DLGAP1: variants seen among roughly 807,000 people sequenced by gnomAD.
DLGAP1 encodes the protein DLG associated protein 1, also known as disks large-associated protein 1.
Under a neutral mutation model 90.8 loss-of-function variants are expected in DLGAP1, and 11 were observed. The observed-to-expected ratio is 0.12, with a 90% confidence interval of 0.08 to 0.20. The LOEUF (loss-of-function observed/expected upper bound fraction) is 0.20. DLGAP1 is among the 10% of genes least tolerant of loss of function. The pLI is 1.00. For missense variants in DLGAP1, 1,050 were observed against 1,333.8 expected (o/e 0.79, Z 3.31); for synonymous variants, 558 against 540.7 (o/e 1.03, Z -0.44).
intron 11 of DLGAP1, among the ~76,000 whole-genome samples, chr18:3,507,794 G>A (rs1203372117): frequency 7.4e-6 from 1 of 134,634 alleles, no homozygotes; most frequent in African/African-American, 2.8e-5. Context: ...AAACTAGAGT[G>A]CAATGAACCT....
At chr18:3,718,341 G>A (rs967404071) in intron 7 of DLGAP1, among the ~76,000 whole-genome samples, 1 of 151,870 alleles carries the variant, frequency 6.6e-6, no homozygotes, top group Non-Finnish European at 1.5e-5. Context: ...TCAATAAGAG[G>A]CACTGTGTGC....
At chr18:4,114,485 T>C (rs2076027982) in intron 2 of DLGAP1, among the ~76,000 whole-genome samples, 1 of 152,158 alleles carries the variant, frequency 6.6e-6, no homozygotes, top group Non-Finnish European at 1.5e-5. Flanking sequence ...ACTGAAGTTG[T>C]TTAACAGTTT....
chr18:3,639,453 G>A (rs528144276), intron 7 of DLGAP1, among the ~76,000 whole-genome samples: 1 of 152,254 alleles, frequency 6.6e-6, no homozygotes, highest in South Asian at 2.1e-4. Flanking sequence ...GCAGCGTCCA[G>A]AGGAGCCTGC....
intron 5 of DLGAP1, among the ~76,000 whole-genome samples, chr18:3,805,992 T>G (rs1014329490): frequency 2.0e-5 from 3 of 152,230 alleles, no homozygotes; most frequent in Non-Finnish European, 2.9e-5. Context: ...CAAATGCATC[T>G]TCTGTAAAGA....
intron 6 of DLGAP1, among the ~76,000 whole-genome samples, chr18:3,739,182 T>C (rs1386497849): frequency 1.4e-5 from 2 of 143,894 alleles, no homozygotes; most frequent in Admixed American, 7.0e-5. Flanking sequence ...TTGGTGGGAC[T>C]GTAAACTAGT....
intron 7 of DLGAP1, among the ~76,000 whole-genome samples, chr18:3,720,895 A>AAAAAAAAAAAAG (rs2061953359): frequency 1.4e-5 from 2 of 140,490 alleles, no homozygotes; most frequent in African/African-American, 5.7e-5. Flanking sequence ...CTACAAAAAA[A>AAAAAAAAAAAAG]AAAAAAAAAA....
At chr18:4,007,595 G>A (rs1294992865) in intron 2 of DLGAP1, among the ~76,000 whole-genome samples, 3 of 152,166 alleles carry the variant, frequency 2.0e-5, no homozygotes, top group African/African-American at 7.2e-5. Flanking sequence ...GGCAGAGTTT[G>A]CAGTGAGCCG....
At chr18:3,732,434 C>A (rs1354363354) in intron 6 of DLGAP1, among the ~76,000 whole-genome samples, 2 of 152,064 alleles carry the variant, frequency 1.3e-5, no homozygotes, top group Non-Finnish European at 2.9e-5. Context: ...TTCTCTTTCA[C>A]ATTACTTGTT....
chr18:4,114,177 G>A (rs1379155165), intron 2 of DLGAP1, among the ~76,000 whole-genome samples: 38 of 150,918 alleles, frequency 2.5e-4, no homozygotes, highest in Admixed American at 2.5e-3. Flanking sequence ...AGTTTGATAG[G>A]AATAGTGTTG....
intron 1 of DLGAP1, among the ~76,000 whole-genome samples, chr18:4,385,309 G>T (rs517425): frequency 0.91 from 139,157 of 152,186 alleles, 63,898 homozygotes; most frequent in East Asian, 1. Context: ...AAACTTGTTC[G>T]ATAATTATTT....
In DLGAP1 at chr18:4,378,260, G is replaced by C. The variant is rs1030535350; in HGVS notation, c.-267+76746C>G. Among the ~76,000 whole-genome samples, 1 of 151,540 alleles carries C rather than the reference G, an allele frequency of 6.6e-6. No individual in the cohort carries two copies. The highest frequency in any genetic ancestry group is 2.1e-4 in the South Asian group (1 of 4,820). On this transcript the variant is annotated intron_variant, in intron 1 of 12. Transcript: ENST00000315677. The surrounding 1 kb of genome is among the most constrained non-coding windows in gnomAD (Gnocchi z 4.5). ...GAAAGAGGTAAGAATAAAAGTCTTC[G>C]CATTTTACATTTTATTTTTCACATT...
intron 1 of DLGAP1, among the ~76,000 whole-genome samples, chr18:4,336,944 CAAAAA>C (rs78000211): frequency 1.7e-5 from 2 of 117,830 alleles, no homozygotes; most frequent in Admixed American, 9.0e-5. Flanking sequence ...ACTGAAAATA[CAAAAA>C]AAAAAAAAAA....
At chr18:3,819,100 A>G (rs911485503) in intron 4 of DLGAP1, among the ~76,000 whole-genome samples, 4 of 151,652 alleles carry the variant, frequency 2.6e-5, no homozygotes, top group African/African-American at 9.7e-5. Context: ...TCATGAGGCA[A>G]GGAGTTCAAG....
At chr18:3,664,218 C>CCACA (rs759262912) in intron 7 of DLGAP1, among the ~76,000 whole-genome samples, 17 of 75,830 alleles carry the variant, frequency 2.2e-4, no homozygotes, top group East Asian at 1.5e-3. Flanking sequence ...ACACACACAC[C>CCACA]CACACACACA....
intron 3 of DLGAP1, among the ~76,000 whole-genome samples, chr18:3,928,403 T>C (rs2072441344): frequency 6.6e-6 from 1 of 152,230 alleles, no homozygotes; most frequent in African/African-American, 2.4e-5. Flanking sequence ...GCCTTCAAAA[T>C]ATTTCTAAAG....
intron 4 of DLGAP1, among the ~76,000 whole-genome samples, chr18:3,853,343 T>C (rs1240425962): frequency 1.3e-5 from 2 of 152,104 alleles, no homozygotes; most frequent in Non-Finnish European, 2.9e-5. Flanking sequence ...AACACGGTCA[T>C]GGGCCAAACG....
intron 1 of DLGAP1, among the ~76,000 whole-genome samples, chr18:4,353,046 G>A (rs2081433510): frequency 6.6e-6 from 1 of 152,108 alleles, no homozygotes; most frequent in South Asian, 2.1e-4. Context: ...AAGAAAGCCC[G>A]CATTTGGGCA....
Position 3,496,917 on chromosome 18 carries a change from C to T in DLGAP1, c.*2268G>A, listed in dbSNP as rs919000635. ...AAAATAGCTTATGAATATACAAATG[C>T]CGTTCACTTAGACAAGATAAATAGG... On this transcript the variant is annotated 3_prime_UTR_variant, in exon 13 of 13. Coordinates refer to ENST00000315677, the MANE Select transcript of DLGAP1 (RefSeq NM_004746.4). The T allele has an allele frequency of 6.6e-6, 1 of 152,162 alleles. No individual in the cohort carries two copies. The highest frequency in any genetic ancestry group is 6.5e-5 in the Admixed American group (1 of 15,284). 9.4% of individuals were successfully genotyped at this position (152,162 alleles called of 1,614,324 possible).
intron 10 of DLGAP1, among the ~76,000 whole-genome samples, chr18:3,512,629 C>T (rs2050608737): frequency 6.6e-6 from 1 of 152,206 alleles, no homozygotes; most frequent in Non-Finnish European, 1.5e-5. Context: ...TCAAAACTCA[C>T]AAACAGGCAT....
Sources: gnomAD v4.1 joint callset for allele counts (sites outside exome capture counted in the v4.1 genomes callset) on GRCh38, gnomAD v4.1.1 for gene constraint, Gnocchi (gnomAD v3.1) non-coding constraint, MANE v1.5 for transcripts, NCBI Gene and HGNC (gene_info 2026-07-23, HGNC 2026-07-21) for gene names.